NAALAD2: variants seen among roughly 807,000 people sequenced by gnomAD.
The protein encoded by NAALAD2 is N-acetylated alpha-linked acidic dipeptidase 2, also known as N-acetylated-alpha-linked acidic dipeptidase 2.
NAALAD2 carries 89 observed loss-of-function variants against 95.6 expected under a neutral mutation model. The observed-to-expected ratio is 0.93, with a 90% CI of 0.78 to 1.11. The LOEUF (loss-of-function observed/expected upper bound fraction) is 1.11. NAALAD2 is among the 50% of genes least tolerant of loss of function. NAALAD2 has a pLI of 0.00. For synonymous variants in NAALAD2, 264 were observed against 294.4 expected (o/e 0.90, Z 1.06); for missense variants, 894 against 872.4 (o/e 1.02, Z -0.31).
At chr11:90,190,520 A>T (rs576570530) in intron 18 of NAALAD2, among the ~76,000 whole-genome samples, 6 of 152,126 alleles carry the variant, frequency 3.9e-5, no homozygotes, top group African/African-American at 7.2e-5. Flanking sequence ...CCTATATCAA[A>T]TTTTTTTTGC....
Position 90,177,949 on chromosome 11 carries a change from C to T in NAALAD2, c.1690C>T (p.Leu564Phe). 6.2e-7 allele frequency: 1 copy of T among 1,613,690 alleles called. No individual in the cohort carries two copies. Among genetic ancestry groups the T allele is most frequent in the South Asian group, 1.1e-5 (1 of 91,062 alleles). The change falls in exon 16 of 19, where the codon CTT becomes TTT. Residue 564 changes from leucine (L) to phenylalanine (F), a missense_variant. Transcript: ENST00000534061. ...KFYDPTFKKQ[L>F]SVAQLRGALV... ...TTATGACCCCACATTTAAAAAACAA[C>T]TTTCTGTGGCTCAATTACGAGGAGC...
chr11:90,183,658 G>A (rs1480085335), intron 18 of NAALAD2, among the ~76,000 whole-genome samples: 1 of 152,022 alleles, frequency 6.6e-6, no homozygotes, highest in Admixed American at 6.6e-5. Context: ...AACCACTCTG[G>A]TTTTCATATT....
chr11:90,150,249 T>C (rs535095216), intron 4 of NAALAD2, among the ~76,000 whole-genome samples: 1 of 151,968 alleles, frequency 6.6e-6, no homozygotes. Context: ...TGAAATTCCG[T>C]CTCAAAAATA....
chr11:90,134,497 T>C, upstream of NAALAD2: 1 of 478,406 alleles, frequency 2.1e-6, no homozygotes, highest in Non-Finnish European at 3.8e-6. Flanking sequence ...CCACCTACTA[T>C]GTCCGGGTTA....
intron 6 of NAALAD2, among the ~76,000 whole-genome samples, chr11:90,157,329 TCC>T (rs1195075245): frequency 1.3e-5 from 2 of 152,186 alleles, no homozygotes; most frequent in Non-Finnish European, 1.5e-5. Context: ...GTAAATTTGG[TCC>T]CTTTAACTCT....
chr11:90,147,316 T>C lies in NAALAD2; in HGVS notation c.195-14T>C, dbSNP rs756020897. The C allele has an allele frequency of 1.2e-6, 2 of 1,605,134 alleles. No individual in the cohort carries two copies. Among genetic ancestry groups the C allele is most frequent in the South Asian group, 1.1e-5 (1 of 90,726 alleles). On this transcript the variant is annotated splice_polypyrimidine_tract_variant and intron_variant, in intron 2 of 18. Coordinates refer to ENST00000534061, the MANE Select transcript of NAALAD2 (RefSeq NM_005467.4). The stretch of plus-strand genomic sequence containing the variant: ...TAGTCTTTAATGCCCTCTTATGTTT[T>C]ATTTTCATTTTAGTTCTTTTACAAA...
intron 18 of NAALAD2, among the ~76,000 whole-genome samples, chr11:90,190,482 A>G (rs745612778): frequency 3.3e-5 from 5 of 152,212 alleles, no homozygotes; most frequent in Non-Finnish European, 7.3e-5. Flanking sequence ...ATTAAATGCC[A>G]TATCAATGAT....
At position 90,191,618 on chromosome 11, in the gene NAALAD2, C is replaced by T. The variant is rs1554985369; in HGVS notation, c.2094C>T (p.Ile698=). The T allele has an allele frequency of 2.5e-6, 4 of 1,605,620 alleles. No homozygotes were observed. The highest frequency in any genetic ancestry group is 3.4e-6 in the Non-Finnish European group (4 of 1,176,082). Residue 698 remains isoleucine (I), a synonymous_variant, in exon 19 of 19, where the codon ATC becomes ATT. Transcript: ENST00000534061. ...NKYAGESFPG[I]YDAIFDIENK... The stretch of plus-strand genomic sequence containing the variant: ...ATGCTGGAGAATCATTTCCTGGAAT[C>T]TATGATGCTATCTTTGATATTGAAA...
In NAALAD2 at chr11:90,191,685, CAT is replaced by C; in HGVS notation, c.2164_2165del (p.Ile722PhefsTer50). On this transcript the variant is annotated frameshift_variant, in exon 19 of 19. Transcript: ENST00000534061. LOFTEE classifies it high-confidence loss of function. ...SRLAWKEVKK[H>X]ISIAAFTIQA... ...TTTGGCCTGGAAAGAAGTAAAGAAA[CAT>C]ATTTCTATTGCAGCTTTTACAATTC... 6.2e-7 allele frequency: 1 copy of C among 1,601,582 alleles called. No homozygotes were observed. Among genetic ancestry groups the C allele is most frequent in the Non-Finnish European group, 8.5e-7 (1 of 1,174,206 alleles).
intron 18 of NAALAD2, among the ~76,000 whole-genome samples, chr11:90,184,969 G>C (rs1343658139): frequency 6.6e-6 from 1 of 152,018 alleles, no homozygotes; most frequent in Non-Finnish European, 1.5e-5. Flanking sequence ...CATTGTATTA[G>C]GTGCTGTAAG....
chr11:90,134,946 G>A, intron 1 of NAALAD2, 106 bp downstream of exon 1: 1 of 1,235,064 alleles, frequency 8.1e-7, no homozygotes, highest in Non-Finnish European at 1.2e-6. Context: ...CGCTAGCCCT[G>A]GCCGGCTGGG....
chr11:90,148,109 G>A (rs1320304205), intron 3 of NAALAD2, among the ~76,000 whole-genome samples: 3 of 152,220 alleles, frequency 2.0e-5, no homozygotes, highest in East Asian at 3.9e-4. Flanking sequence ...TTCAGTTCAC[G>A]GGAGCCAATG....
intron 18 of NAALAD2, among the ~76,000 whole-genome samples, chr11:90,190,505 C>T (rs928647614): frequency 3.9e-5 from 6 of 152,092 alleles, no homozygotes; most frequent in African/African-American, 1.2e-4. Flanking sequence ...AAAGGTTATT[C>T]GCTTCCTATA....
At chr11:90,168,183 T>G (rs1204957947) in intron 11 of NAALAD2, among the ~76,000 whole-genome samples, 1 of 151,830 alleles carries the variant, frequency 6.6e-6, no homozygotes, top group Non-Finnish European at 1.5e-5. Flanking sequence ...ACCGTGAAGG[T>G]CTGCAGCTTC....
intron 13 of NAALAD2, 124 bp downstream of exon 13, chr11:90,170,260 A>G (rs1464871090): frequency 3.0e-6 from 2 of 664,980 alleles, no homozygotes; most frequent in Non-Finnish European, 5.4e-6. Context: ...AATCATATAA[A>G]CAAAACAAAA....
intron 6 of NAALAD2, among the ~76,000 whole-genome samples, chr11:90,153,336 G>T (rs1440605395): frequency 6.6e-6 from 1 of 152,130 alleles, no homozygotes; most frequent in African/African-American, 2.4e-5. Flanking sequence ...ATTATGGTTA[G>T]TTGGATATTT....
chr11:90,184,679 G>A (rs1857072639), intron 18 of NAALAD2, among the ~76,000 whole-genome samples: 1 of 151,908 alleles, frequency 6.6e-6, no homozygotes, highest in Non-Finnish European at 1.5e-5. Flanking sequence ...AAGGAGCAGT[G>A]CTTCTTCAGC....
At chr11:90,180,543 G>T (rs1040052010) in intron 16 of NAALAD2, among the ~76,000 whole-genome samples, 1 of 151,864 alleles carries the variant, frequency 6.6e-6, no homozygotes, top group African/African-American at 2.4e-5. Flanking sequence ...TTAGGTAATA[G>T]AAATAGAAAT....
intron 1 of NAALAD2, 121 bp downstream of exon 1, chr11:90,134,961 A>C: frequency 9.2e-7 from 1 of 1,084,232 alleles, no homozygotes; most frequent in Non-Finnish European, 1.4e-6. Flanking sequence ...GCTGGGCTAG[A>C]TATGATAAAC....
Sources: allele counts gnomAD v4.1 joint callset (sites outside exome capture counted in the v4.1 genomes callset), GRCh38; gene constraint gnomAD v4.1.1; transcripts MANE v1.5; gene names NCBI Gene and HGNC (gene_info 2026-07-23, HGNC 2026-07-21).